The following LLGL1 variants were observed in gnomAD, a reference collection of about 807,000 sequenced individuals.
LLGL1 encodes lethal(2) giant larvae protein homolog 1.
LLGL1 carries 58 observed loss-of-function variants against 110.6 expected under a neutral mutation model. The ratio of observed to expected loss-of-function variants is 0.52; its 90% CI spans 0.42 to 0.65. The LOEUF (loss-of-function observed/expected upper bound fraction) is 0.65. Among genes scored for constraint, LLGL1 ranks in the 30% least tolerant of loss-of-function variants. The pLI is 0.00. For missense variants in LLGL1, 1,229 were observed against 1,462.1 expected (o/e 0.84, Z 2.60); for synonymous variants, 674 against 607.2 (o/e 1.11, Z -1.62).
chr17:18,229,130 A>C (rs1299800056), intron 1 of LLGL1, among the ~76,000 whole-genome samples: 2 of 152,120 alleles, frequency 1.3e-5, no homozygotes, highest in Non-Finnish European at 2.9e-5. Flanking sequence ...ATGGGGCTGG[A>C]GCTCAGCTGT....
At chr17:18,235,765 G>T in intron 11 of LLGL1, 1 of 556,834 alleles carries the variant, frequency 1.8e-6, no homozygotes, top group African/African-American at 1.9e-5. Context: ...CAAACCCCAG[G>T]GCTCCACCCG....
chr17:18,225,671 G>A lies in LLGL1; in HGVS notation c.-12G>A, dbSNP rs753825556. On this transcript the variant is annotated 5_prime_UTR_variant, in exon 1 of 23. Coordinates refer to ENST00000316843, the MANE Select transcript of LLGL1 (RefSeq NM_004140.4). ...GGCGGCGGCGGGCGAGGCGCCTGCA[G>A]CCGGGCGCAAGATGATGAAGTTTCG... The A allele has an allele frequency of 4.9e-5, 49 of 1,002,316 alleles. No homozygotes were observed. The highest frequency in any genetic ancestry group is 6.0e-5 in the Admixed American group (1 of 16,798). The allele number at this position is 1,002,316 out of a possible 1,614,324, so 62.1% of individuals were successfully genotyped here.
At chr17:18,242,139 G>C in intron 19 of LLGL1, 27 bp from the exon 20 acceptor site, 1 of 1,590,686 alleles carries the variant, frequency 6.3e-7, no homozygotes. Context: ...TCCACCTATG[G>C]TCCCCATCAT....
chr17:18,237,799 A>T, intron 14 of LLGL1, 26 bp downstream of exon 14: 1 of 1,583,330 alleles, frequency 6.3e-7, no homozygotes, highest in South Asian at 1.1e-5. Context: ...CCGGCTGGGC[A>T]GTTGGAGCCC....
Position 18,240,545 on chromosome 17 carries a change from G to A in LLGL1, c.2207-33G>A. 6.5e-7 allele frequency: 1 copy of A among 1,550,334 alleles called. No individual in the cohort carries two copies. Among genetic ancestry groups the A allele is most frequent in the South Asian group, 1.2e-5 (1 of 81,998 alleles). On this transcript the variant is annotated intron_variant, in intron 16 of 22. Coordinates refer to ENST00000316843, the MANE Select transcript of LLGL1 (RefSeq NM_004140.4). The surrounding 1 kb of genome is among the most constrained non-coding windows in gnomAD (Gnocchi z 5.3). ...CCCCAGGGGAGATGCCTGGCCCACAGGGAGCACCCTCCTACGCGCTTGTTT... is the reference window on the plus strand; with the variant it reads ...CCCCAGGGGAGATGCCTGGCCCACAAGGAGCACCCTCCTACGCGCTTGTTT...
intron 1 of LLGL1, among the ~76,000 whole-genome samples, chr17:18,227,101 G>A (rs917476328): frequency 6.6e-6 from 1 of 152,198 alleles, no homozygotes; most frequent in Non-Finnish European, 1.5e-5. Flanking sequence ...GCTGCCTTGA[G>A]GAGACACTTG....
chr17:18,237,544 C>G lies in LLGL1; in HGVS notation c.1675C>G (p.Leu559Val). Residue 559 changes from leucine to valine, a missense_variant, in exon 14 of 23, where the codon CTC (leucine) becomes GTC (valine). Coordinates refer to ENST00000316843, the MANE Select transcript of LLGL1 (RefSeq NM_004140.4). ...EQAVSVAIIDLLQDREGFTWK... is the reference protein window; with the variant it reads ...EQAVSVAIIDVLQDREGFTWK... ...GGCGGTCAGCGTGGCCATCATAGAC[C>G]TCCTCCAGGACCGCGAGGGCTTCAC... 6.2e-7 allele frequency: 1 copy of G among 1,607,814 alleles called. No homozygotes were observed. The highest frequency in any genetic ancestry group is 8.5e-7 in the Non-Finnish European group (1 of 1,177,364).
At chr17:18,229,665 A>G (rs6502641) in intron 1 of LLGL1, among the ~76,000 whole-genome samples, 111,690 of 152,122 alleles carry the variant, frequency 0.73, 41,175 homozygotes, top group South Asian at 0.81. Flanking sequence ...GTGTGCATTG[A>G]GGGGCACAGG....
chr17:18,227,062 C>G (rs2047459503), intron 1 of LLGL1, among the ~76,000 whole-genome samples: 1 of 152,184 alleles, frequency 6.6e-6, no homozygotes, highest in Non-Finnish European at 1.5e-5. Flanking sequence ...TGCTGTGGTC[C>G]TGGGCCAGTG....
rs768224049 is a variant in LLGL1, at chr17:18,242,004, G to T, written c.2882+5G>T. ...CCGCGATGCCACCCAGGCCAGGTGT[G>T]TGGAGGGGCAGCTCCTAGCCTGGGG... On this transcript the variant is annotated splice_donor_5th_base_variant and intron_variant, in intron 19 of 22. Coordinates refer to ENST00000316843, the MANE Select transcript of LLGL1 (RefSeq NM_004140.4). 6.2e-7 allele frequency: 1 copy of T among 1,610,114 alleles called. No individual in the cohort carries two copies. The highest frequency in any genetic ancestry group is 1.1e-5 in the South Asian group (1 of 91,000).
intron 22 of LLGL1, among the ~76,000 whole-genome samples, chr17:18,243,358 C>T (rs971954219): frequency 3.3e-5 from 5 of 152,222 alleles, no homozygotes; most frequent in Admixed American, 6.5e-5. Context: ...CCACCCGCCT[C>T]GGCCTCCCTA....
At chr17:18,231,213 C>T (rs1450243919) in intron 2 of LLGL1, among the ~76,000 whole-genome samples, 2 of 152,268 alleles carry the variant, frequency 1.3e-5, no homozygotes, top group East Asian at 3.9e-4. Flanking sequence ...GCCTGGAGCC[C>T]CTTGGGTTGG....
intron 1 of LLGL1, among the ~76,000 whole-genome samples, chr17:18,227,551 T>C (rs2047474249): frequency 6.6e-6 from 1 of 152,062 alleles, no homozygotes; most frequent in Non-Finnish European, 1.5e-5. Flanking sequence ...CATGCCCGGC[T>C]AGTTTTTGTA....
Position 18,241,727 on chromosome 17 carries a change from C to T in LLGL1, c.2767+12C>T. The T allele has an allele frequency of 1.2e-6, 2 of 1,611,122 alleles. No homozygotes were observed. Among genetic ancestry groups the T allele is most frequent in the Non-Finnish European group, 1.7e-6 (2 of 1,178,494 alleles). ...GCGCCATGGCCAGGGTGAGGCGGGG[C>T]AGAGGCCGAGGAGGCCTTCCTCAGG... On this transcript the variant is annotated intron_variant, in intron 18 of 22. Transcript: ENST00000316843.
At chr17:18,228,115 A>C (rs1049130572) in intron 1 of LLGL1, among the ~76,000 whole-genome samples, 1 of 152,248 alleles carries the variant, frequency 6.6e-6, no homozygotes, top group Non-Finnish European at 1.5e-5. Flanking sequence ...CTGTTAACTC[A>C]GGTGGCTGAT....
At chr17:18,237,174 G>T in intron 13 of LLGL1, 1 of 597,990 alleles carries the variant, frequency 1.7e-6, no homozygotes, top group Non-Finnish European at 3.0e-6. Context: ...GCACTCACAT[G>T]ACATACAGGA....
intron 2 of LLGL1, 52 bp from the exon 3 acceptor site, chr17:18,232,443 C>T: frequency 2.0e-6 from 3 of 1,513,496 alleles, no homozygotes; most frequent in African/African-American, 1.4e-5. Context: ...GTGTCTTCCT[C>T]ACTGTGGTTT....
chr17:18,238,277 C>T, intron 15 of LLGL1, 63 bp downstream of exon 15: 1 of 1,598,816 alleles, frequency 6.3e-7, no homozygotes, highest in South Asian at 1.1e-5. Context: ...TGGCTCTGGC[C>T]TGGGACCCCT....
chr17:18,235,582 G>C (rs760207184), intron 11 of LLGL1, 45 bp downstream of exon 11: 2 of 1,589,484 alleles, frequency 1.3e-6, no homozygotes, highest in African/African-American at 2.7e-5. Flanking sequence ...CTTGCTGTTG[G>C]GGGAGAGCCC....
Sources: gnomAD v4.1 joint callset for allele counts (sites outside exome capture counted in the v4.1 genomes callset) on GRCh38, gnomAD v4.1.1 for gene constraint, Gnocchi (gnomAD v3.1) non-coding constraint, MANE v1.5 for transcripts, NCBI Gene and HGNC (gene_info 2026-07-23, HGNC 2026-07-21) for gene names.